PTPRT: variants seen among roughly 807,000 people sequenced by gnomAD.
The protein encoded by PTPRT is protein tyrosine phosphatase receptor type T, also known as receptor-type tyrosine-protein phosphatase T.
A neutral mutation model predicts 176.8 loss-of-function variants in PTPRT; 56 were observed. The ratio of observed to expected loss-of-function variants is 0.32; its 90% confidence interval spans 0.26 to 0.40. The LOEUF (loss-of-function observed/expected upper bound fraction) is 0.40. PTPRT is among the 10% of genes least tolerant of loss of function. The pLI, the probability that PTPRT is intolerant of heterozygous loss-of-function variation, is 1.00. For missense variants in PTPRT, 1,540 were observed against 1,908.2 expected, an observed-to-expected ratio of 0.81 and a Z score of 3.60; for synonymous variants, 783 against 739.0, an observed-to-expected ratio of 1.06 and a Z score of -0.96.
chr20:42,884,593 A>G (rs1042955425), intron 2 of PTPRT, among the ~76,000 whole-genome samples: 2 of 152,204 alleles, frequency 1.3e-5, no homozygotes, highest in African/African-American at 4.8e-5. Context: ...CAGAGGCAGT[A>G]TCTGAGGCCA....
chr20:42,673,649 C>T (rs1362514284), intron 7 of PTPRT, among the ~76,000 whole-genome samples: 3 of 152,114 alleles, frequency 2.0e-5, no homozygotes, highest in Admixed American at 6.5e-5. Context: ...CATTTTGGGG[C>T]CTCTTTTGTA....
In PTPRT at chr20:42,598,086, G is replaced by T. The variant is rs6016844; in HGVS notation, c.1153+79780C>A. ...TAGCAACCCCAATATCCATAAAAAT[G>T]AGTTCAAATAATTTATGATATATGC... On this transcript the variant is annotated intron_variant, in intron 7 of 30. Transcript: ENST00000373187. Among the ~76,000 whole-genome samples the T allele has an allele frequency of 7.4e-3, 1,118 of 152,022 alleles. 17 individuals are homozygous for T. Among genetic ancestry groups the T allele is most frequent in the African/African-American group, 0.025 (1,056 of 41,458 alleles).
chr20:43,096,056 G>C (rs1218533941), intron 1 of PTPRT, among the ~76,000 whole-genome samples: 1 of 51,178 alleles, frequency 2.0e-5, no homozygotes. Context: ...CCTCCCACCT[G>C]CCTCCTCTCT....
intron 1 of PTPRT, among the ~76,000 whole-genome samples, chr20:43,064,378 G>A (rs1987598059): frequency 6.6e-6 from 1 of 152,158 alleles, no homozygotes; most frequent in Non-Finnish European, 1.5e-5. Context: ...GAGTGATGGA[G>A]AAAACAAATC....
chr20:42,370,019 C>T (rs961181558), intron 9 of PTPRT, among the ~76,000 whole-genome samples: 1 of 151,864 alleles, frequency 6.6e-6, no homozygotes, highest in African/African-American at 2.4e-5. Context: ...CCTTCATGTC[C>T]CCTCCTCTCT....
intron 1 of PTPRT, among the ~76,000 whole-genome samples, chr20:42,955,877 G>A: frequency 7.0e-6 from 1 of 142,324 alleles, no homozygotes; most frequent in African/African-American, 2.5e-5. Flanking sequence ...GGGAGGGAGG[G>A]AGGATGAACC....
chr20:42,137,515 A>C (rs1056405702), intron 18 of PTPRT, among the ~76,000 whole-genome samples: 9 of 152,084 alleles, frequency 5.9e-5, no homozygotes, highest in African/African-American at 2.2e-4. Context: ...CTCTTTGGTA[A>C]GGAATATGTG....
intron 7 of PTPRT, among the ~76,000 whole-genome samples, chr20:42,659,627 GT>G (rs1395332251): frequency 6.6e-6 from 1 of 152,180 alleles, no homozygotes; most frequent in Non-Finnish European, 1.5e-5. Flanking sequence ...TTTGGGGTGG[GT>G]GCGGGGAAAG....
intron 27 of PTPRT, among the ~76,000 whole-genome samples, chr20:42,087,243 A>G (rs569733790): frequency 3.3e-5 from 5 of 150,692 alleles, no homozygotes; most frequent in Non-Finnish European, 7.4e-5. Flanking sequence ...TATTATTATT[A>G]TTTTTGAGAC....
chr20:42,770,272 G>A (rs780118890), intron 5 of PTPRT, among the ~76,000 whole-genome samples: 1 of 152,158 alleles, frequency 6.6e-6, no homozygotes, highest in African/African-American at 2.4e-5. Flanking sequence ...ACAGGCACTC[G>A]CCACCACGCC....
rs191071375 is a variant in PTPRT, at chr20:42,371,930, T to A, written c.1561-19645A>T. On this transcript the variant is annotated intron_variant, in intron 9 of 30. Transcript: ENST00000373187. ...CATATGGCAGGTGGTTGGGGCTGAG[T>A]CTCCATGTAGGTTGGTCCAGAATGT... is the stretch of plus-strand genomic sequence containing the variant. Among the ~76,000 whole-genome samples the A allele has an allele frequency of 2.6e-4, 39 of 152,204 alleles. No individual in the cohort carries two copies. The East Asian group carries it at 7.1e-3, about 28-fold the overall frequency.
At chr20:42,629,150 G>C (rs2074354863) in intron 7 of PTPRT, among the ~76,000 whole-genome samples, 1 of 151,386 alleles carries the variant, frequency 6.6e-6, no homozygotes, top group Non-Finnish European at 1.5e-5. Flanking sequence ...AATTACTGTG[G>C]AAGACTCTCT....
intron 11 of PTPRT, among the ~76,000 whole-genome samples, chr20:42,346,657 C>T (rs1053004607): frequency 3.9e-5 from 6 of 152,182 alleles, no homozygotes; most frequent in Non-Finnish European, 7.3e-5. Context: ...CCCCCCTGCA[C>T]ACTCAGTTCT....
rs557064822 is a variant in PTPRT at position 42,312,018 on chromosome 20, AG to A, written c.2139+3704del. 4.4e-3 allele frequency among the ~76,000 whole-genome samples: 668 copies of A among 152,352 alleles called. 4 individuals carry two copies. Among genetic ancestry groups the A allele is most frequent in the African/African-American group, 0.015 (622 of 41,588 alleles). ...AAATAGTGAATTATAGATCCAGATTAGAACTGTTAAGTTTTTACATTATGCA... is the reference window on the plus strand; with the variant it reads ...AAATAGTGAATTATAGATCCAGATTAAACTGTTAAGTTTTTACATTATGCA... On this transcript the variant is annotated intron_variant, in intron 12 of 30. Coordinates refer to ENST00000373187, the MANE Select transcript of PTPRT (RefSeq NM_007050.6).
intron 13 of PTPRT, among the ~76,000 whole-genome samples, chr20:42,263,835 T>C (rs1256864943): frequency 6.6e-6 from 1 of 152,056 alleles, no homozygotes; most frequent in Non-Finnish European, 1.5e-5. Flanking sequence ...TGAATCATAC[T>C]CTTATTTTTA....
rs1201987605 is a variant in PTPRT, at chr20:42,077,141, C to T, written c.*3738G>A. The T allele has an allele frequency of 5.5e-6, 1 of 182,352 alleles. No homozygotes were observed. The highest frequency in any genetic ancestry group is 1.2e-5 in the Non-Finnish European group (1 of 85,656). The allele number at this position is 182,352 out of a possible 1,614,324, so 11.3% of individuals were successfully genotyped here. ...ATTTAATGAGCTCACATGTTAGAGT[C>T]CCCAGCATAGGGTCTGTTGGTTCCT... On this transcript the variant is annotated 3_prime_UTR_variant, in exon 31 of 31. Coordinates refer to ENST00000373187, the MANE Select transcript of PTPRT (RefSeq NM_007050.6).
chr20:42,600,462 T>A (rs886707245), intron 7 of PTPRT, among the ~76,000 whole-genome samples: 44 of 152,250 alleles, frequency 2.9e-4, no homozygotes, highest in East Asian at 9.7e-4. Flanking sequence ...TATTATTATT[T>A]TTTACATTTT....
At position 42,328,797 on chromosome 20, in the gene PTPRT, C is replaced by T; in HGVS notation, c.1866-12801G>A. On this transcript the variant is annotated intron_variant, in intron 11 of 30. Transcript: ENST00000373187. ...TGGCAACGTTGCCCGGAAAGCTCTA[C>T]CCAAAGCAACAAAACATAAAACCAA... Among the ~76,000 whole-genome samples, 2 of 152,082 alleles carry T rather than the reference C, an allele frequency of 1.3e-5. 1 individual carries two copies. Among genetic ancestry groups the T allele is most frequent in the Non-Finnish European group, 2.9e-5 (2 of 68,016 alleles).
At chr20:42,466,331 T>C (rs1327961010) in intron 8 of PTPRT, among the ~76,000 whole-genome samples, 1 of 152,164 alleles carries the variant, frequency 6.6e-6, no homozygotes, top group African/African-American at 2.4e-5. Context: ...TTAAAAACAA[T>C]TAAATTGAAT....
Sources: allele counts gnomAD v4.1 joint callset (sites outside exome capture counted in the v4.1 genomes callset), GRCh38; gene constraint gnomAD v4.1.1; transcripts MANE v1.5; gene names NCBI Gene and HGNC (gene_info 2026-07-23, HGNC 2026-07-21).